GALNT13: variants seen among roughly 807,000 people sequenced by gnomAD.
GALNT13 encodes UDP-GalNAc:polypeptide N-acetylgalactosaminyltransferase 13.
Under a neutral mutation model 64.2 loss-of-function variants are expected in GALNT13, and 28 were observed. That is an observed-to-expected ratio of 0.44 (90% confidence interval 0.32 to 0.60). The LOEUF is 0.60. GALNT13 is among the 20% of genes least tolerant of loss of function. GALNT13 has a pLI of 0.05. For synonymous variants in GALNT13, 214 were observed against 224.6 expected (o/e 0.95, Z 0.42); for missense variants, 577 against 669.8 (o/e 0.86, Z 1.53).
At chr2:153,176,256 C>G in the GALNT13 span, among the ~76,000 whole-genome samples, 1 of 152,090 alleles carries the variant, frequency 6.6e-6, no homozygotes, top group East Asian at 1.9e-4. Flanking sequence ...TTACTGGATT[C>G]TAGTGATTAG....
the GALNT13 span, among the ~76,000 whole-genome samples, chr2:153,224,689 G>A: frequency 2.6e-5 from 4 of 152,102 alleles, no homozygotes; most frequent in Non-Finnish European, 5.9e-5. Context: ...TTCTGCAGAC[G>A]TTTAAAGGAT....
intron 3 of GALNT13, among the ~76,000 whole-genome samples, chr2:153,955,038 G>A (rs1692463568): frequency 6.6e-6 from 1 of 151,806 alleles, no homozygotes; most frequent in Non-Finnish European, 1.5e-5. Context: ...AAGTACCTTT[G>A]CCAGGCTCAC....
the GALNT13 span, among the ~76,000 whole-genome samples, chr2:153,243,950 A>C: frequency 6.6e-6 from 1 of 152,104 alleles, no homozygotes; most frequent in Non-Finnish European, 1.5e-5. Context: ...AATGAATTAA[A>C]ATTGGATAGA....
chr2:154,330,313 A>T (rs1047138885), intron 9 of GALNT13, among the ~76,000 whole-genome samples: 2 of 152,124 alleles, frequency 1.3e-5, no homozygotes, highest in Admixed American at 1.3e-4. Context: ...ATTCGTTAGT[A>T]TAACACCCTC....
chr2:154,016,208 A>C (rs1456952893), intron 3 of GALNT13, among the ~76,000 whole-genome samples: 2 of 152,186 alleles, frequency 1.3e-5, no homozygotes, highest in Non-Finnish European at 2.9e-5. Flanking sequence ...AGATGCCTCC[A>C]TCTAAGCTTT....
Position 154,245,972 on chromosome 2 carries a change from T to C in GALNT13, c.847T>C (p.Leu283=), listed in dbSNP as rs1363848906. 6.2e-7 allele frequency: 1 copy of C among 1,611,844 alleles called. No individual in the cohort carries two copies. The highest frequency in any genetic ancestry group is 2.2e-5 in the East Asian group (1 of 44,776). Reference sequence around the variant, plus strand: ...GGACAGGAGGAAAGGAGACAGAACATTACCTGTCAGGTATGTAGATCATAT... The same window carrying C: ...GGACAGGAGGAAAGGAGACAGAACACTACCTGTCAGGTATGTAGATCATAT... The part of the protein sequence containing the change: ...EMDRRKGDRT[L]PVRTPTMAGG... Residue 283 remains leucine (L), a synonymous_variant, in exon 7 of 13, where the codon TTA becomes CTA. Transcript: ENST00000392825.
chr2:154,173,748 A>G (rs1370849349), intron 4 of GALNT13, among the ~76,000 whole-genome samples: 1 of 152,140 alleles, frequency 6.6e-6, no homozygotes, highest in Non-Finnish European at 1.5e-5. Context: ...TTCTCTAAAG[A>G]AGACATACAA....
At chr2:153,375,868 A>C in the GALNT13 span, among the ~76,000 whole-genome samples, 12 of 152,146 alleles carry the variant, frequency 7.9e-5, no homozygotes, top group Non-Finnish European at 1.6e-4. Context: ...TGGTTCTGCA[A>C]GCTGTACAAG....
the GALNT13 span, among the ~76,000 whole-genome samples, chr2:153,789,957 A>G: frequency 6.6e-6 from 1 of 152,200 alleles, no homozygotes; most frequent in East Asian, 1.9e-4. Flanking sequence ...GCCAAGCAAC[A>G]AAAGGCCCAG....
the GALNT13 span, among the ~76,000 whole-genome samples, chr2:153,638,504 T>TA: frequency 0.14 from 3,866 of 27,314 alleles, 1,308 homozygotes; most frequent in African/African-American, 0.28. Context: ...GCAGTGCTGA[T>TA]AAAAAACGGA....
chr2:153,270,348 G>A, the GALNT13 span, among the ~76,000 whole-genome samples: 275 of 152,282 alleles, frequency 1.8e-3, no homozygotes, highest in African/African-American at 6.4e-3. Flanking sequence ...TTCTGTTAAT[G>A]CACTAGCTCA....
chr2:153,391,130 G>A, the GALNT13 span, among the ~76,000 whole-genome samples: 1 of 152,014 alleles, frequency 6.6e-6, no homozygotes, highest in South Asian at 2.1e-4. Context: ...GTCATATAAA[G>A]ACTTGTAGGT....
intron 12 of GALNT13, among the ~76,000 whole-genome samples, chr2:154,443,135 G>C (rs1424131220): frequency 6.6e-6 from 1 of 151,914 alleles, no homozygotes; most frequent in Admixed American, 6.6e-5. Flanking sequence ...AAAAACAATG[G>C]CTCAATTTAC....
At chr2:153,449,496 C>G in the GALNT13 span, among the ~76,000 whole-genome samples, 1 of 152,190 alleles carries the variant, frequency 6.6e-6, no homozygotes, top group Admixed American at 6.5e-5. Context: ...TCCATTGTCC[C>G]TCCTGCCCTA....
the GALNT13 span, among the ~76,000 whole-genome samples, chr2:153,114,302 C>G: frequency 2.6e-5 from 4 of 152,254 alleles, no homozygotes; most frequent in African/African-American, 9.6e-5. Flanking sequence ...TGAGGCTGCT[C>G]TCTTTCTATC....
chr2:154,386,478 G>T (rs568577089), intron 9 of GALNT13, among the ~76,000 whole-genome samples: 1 of 152,132 alleles, frequency 6.6e-6, no homozygotes, highest in African/African-American at 2.4e-5. Context: ...ACTCAGATAA[G>T]ACAAATATAA....
chr2:154,021,940 T>TC (rs1390133194), intron 3 of GALNT13, among the ~76,000 whole-genome samples: 1 of 152,166 alleles, frequency 6.6e-6, no homozygotes, highest in African/African-American at 2.4e-5. Context: ...AAAGGCCTTT[T>TC]CTGCATCTAT....
chr2:153,397,885 A>C, the GALNT13 span, among the ~76,000 whole-genome samples: 1 of 152,106 alleles, frequency 6.6e-6, no homozygotes, highest in Non-Finnish European at 1.5e-5. Context: ...CTTACCTGAA[A>C]ACTTGCTGAA....
intron 4 of GALNT13, among the ~76,000 whole-genome samples, chr2:154,161,923 G>A (rs1388484432): frequency 1.3e-5 from 2 of 151,942 alleles, no homozygotes; most frequent in Non-Finnish European, 2.9e-5. Flanking sequence ...TGGGACTACA[G>A]GTGCCCGCCA....
Sources: allele counts gnomAD v4.1 joint callset (sites outside exome capture counted in the v4.1 genomes callset), GRCh38; gene constraint gnomAD v4.1.1; transcripts MANE v1.5; gene names NCBI Gene and HGNC (gene_info 2026-07-23, HGNC 2026-07-21).